LIMS1: variants seen among roughly 807,000 people sequenced by gnomAD.
LIMS1 encodes the protein LIM and senescent cell antigen-like-containing domain protein 1.
A neutral mutation model predicts 44.1 loss-of-function variants in LIMS1; 18 were observed. The observed-to-expected ratio is 0.41, with a 90% CI of 0.28 to 0.61. The LOEUF is 0.61. Ranked by LOEUF, LIMS1 falls within the 20% of genes least tolerant of loss-of-function variation. LIMS1 has a pLI of 0.32. For synonymous variants in LIMS1, 93 were observed against 149.1 expected (o/e 0.62, Z 2.74); for missense variants, 201 against 422.0 (o/e 0.48, Z 4.59).
chr2:108,550,862 T>A (rs1684663764), intron 1 of LIMS1, among the ~76,000 whole-genome samples: 1 of 150,870 alleles, frequency 6.6e-6, no homozygotes. Context: ...GGCTCATGCC[T>A]GTAATCCCAG....
intron 1 of LIMS1, among the ~76,000 whole-genome samples, chr2:108,551,793 TATCTGTATATA>T (rs980661854): frequency 2.1e-5 from 3 of 146,246 alleles, no homozygotes; most frequent in African/African-American, 7.5e-5. Flanking sequence ...TATACAGATA[TATCTGTATATA>T]TGTATATGAT....
chr2:108,669,697 A>C (rs192174315), intron 2 of LIMS1, among the ~76,000 whole-genome samples: 2 of 151,058 alleles, frequency 1.3e-5, no homozygotes, highest in East Asian at 4.0e-4. Flanking sequence ...AGTAATGTGA[A>C]AAAGGCTTCT....
chr2:108,648,786 A>C (rs1690254491), intron 1 of LIMS1, among the ~76,000 whole-genome samples: 1 of 152,266 alleles, frequency 6.6e-6, no homozygotes, highest in South Asian at 2.1e-4. Flanking sequence ...CCATATGCAG[A>C]AAGCTGAAAC....
At chr2:108,542,310 C>A (rs149319327) in intron 1 of LIMS1, among the ~76,000 whole-genome samples, 46 of 152,324 alleles carry the variant, frequency 3.0e-4, no homozygotes. Flanking sequence ...CTCGGTTAGT[C>A]ATAACCACCT....
At chr2:108,551,493 A>G (rs202040125) in intron 1 of LIMS1, among the ~76,000 whole-genome samples, 1,242 of 60,460 alleles carry the variant, frequency 0.021, 10 homozygotes, top group African/African-American at 0.076. Flanking sequence ...GCGCGCGCGC[A>G]CACACACACA....
intron 9 of LIMS1, among the ~76,000 whole-genome samples, chr2:108,683,639 T>A (rs113542027): frequency 1.7e-4 from 26 of 152,050 alleles, no homozygotes; most frequent in African/African-American, 5.1e-4. Flanking sequence ...TAATCTACAG[T>A]CTGTGTTACA....
intron 1 of LIMS1, among the ~76,000 whole-genome samples, chr2:108,628,073 C>T (rs1236653280): frequency 6.6e-6 from 1 of 152,234 alleles, no homozygotes; most frequent in Non-Finnish European, 1.5e-5. Flanking sequence ...CAGGCTTTGC[C>T]TGCAGTGCTG....
intron 5 of LIMS1, among the ~76,000 whole-genome samples, chr2:108,675,138 A>C (rs1418598203): frequency 5.9e-5 from 9 of 152,052 alleles, no homozygotes; most frequent in Admixed American, 2.6e-4. Context: ...TTGCTTGGAA[A>C]GGTCGTGTGT....
intron 1 of LIMS1, among the ~76,000 whole-genome samples, chr2:108,599,214 T>C (rs12464522): frequency 0.41 from 62,576 of 151,982 alleles, 14,855 homozygotes; most frequent in East Asian, 0.94. Flanking sequence ...CCTCTGGTAA[T>C]CATCTTTCTA....
chr2:108,666,456 T>A (rs1691767996), intron 2 of LIMS1, among the ~76,000 whole-genome samples: 1 of 132,552 alleles, frequency 7.5e-6, no homozygotes, highest in South Asian at 2.7e-4. Flanking sequence ...TAGCTGGGAC[T>A]ATAGGCACAT....
chr2:108,637,754 A>G (rs1573516749), intron 1 of LIMS1, among the ~76,000 whole-genome samples: 1 of 152,268 alleles, frequency 6.6e-6, no homozygotes, highest in African/African-American at 2.4e-5. Context: ...TAAAAGAATG[A>G]AAAGATAAGT....
chr2:108,588,383 A>G (rs1686207070), intron 1 of LIMS1: 1 of 985,400 alleles, frequency 1.0e-6, no homozygotes, highest in Non-Finnish European at 1.2e-6. Context: ...GCTTTCAAAG[A>G]TAATTCGCAG....
rs1347659708 is a variant in LIMS1, at chr2:108,617,092, G to A, written c.33-42513G>A. Among the ~76,000 whole-genome samples, 5 of 152,188 alleles carry A rather than the reference G, an allele frequency of 3.3e-5. No individual in the cohort carries two copies. The South Asian group carries it at 6.2e-4, about 19-fold the overall frequency. ...GTACAGCTGCTCAACCAGTTTACGA[G>A]CCATTAGTACCTAGTGTACTGGCAG... On this transcript the variant is annotated intron_variant, in intron 1 of 9. Transcript: ENST00000544547.
intron 1 of LIMS1, among the ~76,000 whole-genome samples, chr2:108,629,906 G>T (rs1392155414): frequency 1.3e-5 from 2 of 152,132 alleles, no homozygotes; most frequent in Non-Finnish European, 2.9e-5. Flanking sequence ...TGAAAACCAG[G>T]TGAAGGCCAG....
At chr2:108,666,143 C>T (rs910534855) in intron 2 of LIMS1, among the ~76,000 whole-genome samples, 1 of 152,194 alleles carries the variant, frequency 6.6e-6, no homozygotes, top group Non-Finnish European at 1.5e-5. Flanking sequence ...GGGGCAGCCC[C>T]AGGACTGTCC....
At chr2:108,611,174 A>G (rs1318208268) in intron 1 of LIMS1, among the ~76,000 whole-genome samples, 5 of 152,202 alleles carry the variant, frequency 3.3e-5, no homozygotes, top group African/African-American at 9.6e-5. Flanking sequence ...TTACGTAATA[A>G]CTGTATAGTA....
At chr2:108,618,576 C>T (rs530255424) in intron 1 of LIMS1, among the ~76,000 whole-genome samples, 9 of 152,244 alleles carry the variant, frequency 5.9e-5, no homozygotes, top group African/African-American at 1.9e-4. Flanking sequence ...CCTGTAATCC[C>T]AGCCCGTTGG....
intron 1 of LIMS1, among the ~76,000 whole-genome samples, chr2:108,610,148 ATGTG>A (rs60571292): frequency 0.18 from 25,818 of 142,952 alleles, 2,438 homozygotes; most frequent in Middle Eastern, 0.26. Context: ...GTTACAAAAA[ATGTG>A]TGTGTGTGTG....
At chr2:108,676,683 A>G in exon 7 of LIMS1, 1 of 1,381,740 alleles carries the variant, frequency 7.2e-7, no homozygotes, top group Non-Finnish European at 1.0e-6. Flanking sequence ...CATATTGTGA[A>G]ACTCACTATA....
Sources: allele counts gnomAD v4.1 joint callset (sites outside exome capture counted in the v4.1 genomes callset), GRCh38; gene constraint gnomAD v4.1.1; transcripts MANE v1.5; gene names NCBI Gene and HGNC (gene_info 2026-07-23, HGNC 2026-07-21).